AP1G1: variants seen among roughly 807,000 people sequenced by gnomAD.
The protein encoded by AP1G1 is AP-1 complex subunit gamma-1.
Under a neutral mutation model 108.3 loss-of-function variants are expected in AP1G1, and 7 were observed. The ratio of observed to expected loss-of-function variants is 0.06; its 90% CI spans 0.04 to 0.12. The LOEUF (loss-of-function observed/expected upper bound fraction) is 0.12. AP1G1 is among the 10% of genes least tolerant of loss of function. The pLI is 1.00. For missense variants in AP1G1, 756 were observed against 1,010.7 expected, an observed-to-expected ratio of 0.75 and a Z score of 3.42; for synonymous variants, 379 against 353.5, an observed-to-expected ratio of 1.07 and a Z score of -0.81.
chr16:71,743,459 C>A (rs1384124144), intron 19 of AP1G1: 1 of 151,916 alleles, frequency 6.6e-6, no homozygotes, highest in Non-Finnish European at 1.5e-5. Flanking sequence ...AAAAATTAGC[C>A]GGGCATGGTG....
At chr16:71,800,570 G>A (rs1047483025) in intron 1 of AP1G1, among the ~76,000 whole-genome samples, 1 of 151,310 alleles carries the variant, frequency 6.6e-6, no homozygotes, top group Non-Finnish European at 1.5e-5. Context: ...GGGAGGCCAA[G>A]GTGGGCAGAT....
intron 12 of AP1G1, 182 bp downstream of exon 12, chr16:71,755,837 G>C: frequency 1.6e-6 from 1 of 609,316 alleles, no homozygotes; most frequent in East Asian, 2.9e-5. Context: ...GTGGCGACAG[G>C]GTTTCACTAT....
At chr16:71,805,929 G>A (rs1032216824) in intron 1 of AP1G1, among the ~76,000 whole-genome samples, 1 of 151,926 alleles carries the variant, frequency 6.6e-6, no homozygotes, top group Non-Finnish European at 1.5e-5. Context: ...GCTGAGGCAG[G>A]AGGATCGCTT....
intron 1 of AP1G1, among the ~76,000 whole-genome samples, chr16:71,799,323 A>G (rs2032699513): frequency 6.6e-6 from 1 of 152,260 alleles, no homozygotes; most frequent in Admixed American, 6.5e-5. Flanking sequence ...GCATCAGCAT[A>G]TAAGGCGGCA....
chr16:71,755,828 T>G, intron 12 of AP1G1, 191 bp downstream of exon 12: 2 of 563,954 alleles, frequency 3.5e-6, no homozygotes, highest in South Asian at 3.0e-5. Context: ...GTATTTTTAG[T>G]GGCGACAGGG....
intron 1 of AP1G1, among the ~76,000 whole-genome samples, chr16:71,792,454 C>T (rs2032439739): frequency 6.6e-6 from 1 of 152,134 alleles, no homozygotes; most frequent in Non-Finnish European, 1.5e-5. Flanking sequence ...CCCTTTCCAA[C>T]CCTGAAAAAC....
rs774687282 is a variant in AP1G1 at position 71,779,995 on chromosome 16, G to GGT, written c.202-5404_202-5403insAC. ...AAAAATTTTGTTTCAGTTTTTTTTT[G>GGT]TTTTTTTTTTTTTTTTGAGACGAAG... On this transcript the variant is annotated intron_variant, in intron 2 of 22. Coordinates refer to ENST00000299980, the MANE Select transcript of AP1G1 (RefSeq NM_001128.6). Among the ~76,000 whole-genome samples, 189 of 129,616 alleles carry GGT rather than the reference G, an allele frequency of 1.5e-3. 1 individual carries two copies. The highest frequency in any genetic ancestry group is 5.1e-3 in the African/African-American group (179 of 35,240). 85.0% of individuals were successfully genotyped at this position (129,616 alleles called of 152,430 possible).
At chr16:71,744,577 T>TTA (rs905367235) in intron 19 of AP1G1, among the ~76,000 whole-genome samples, 4 of 147,080 alleles carry the variant, frequency 2.7e-5, no homozygotes, top group African/African-American at 7.6e-5. Flanking sequence ...GTGTGTTTTT[T>TTA]TTTTTTTTTT....
chr16:71,761,653 T>G, intron 9 of AP1G1, 86 bp from the exon 10 acceptor site: 5 of 997,310 alleles, frequency 5.0e-6, no homozygotes, highest in Non-Finnish European at 7.7e-6. Flanking sequence ...TCATGACCTC[T>G]GGTGCTTCAC....
At chr16:71,739,437 A>C (rs749243330) in intron 19 of AP1G1, 96 bp from the exon 20 acceptor site, 2 of 964,424 alleles carry the variant, frequency 2.1e-6, no homozygotes, top group East Asian at 5.4e-5. Context: ...CAGGTTAAGG[A>C]AAGATTCCTT....
intron 2 of AP1G1, chr16:71,777,637 G>T: frequency 2.2e-6 from 1 of 454,912 alleles, no homozygotes; most frequent in South Asian, 1.6e-5. Context: ...TCTACTGCTA[G>T]GGATCCGGTT....
intron 11 of AP1G1, among the ~76,000 whole-genome samples, chr16:71,756,948 A>T (rs569764684): frequency 6.6e-5 from 10 of 151,534 alleles, no homozygotes; most frequent in Admixed American, 3.3e-4. Flanking sequence ...AAAAAAAAAA[A>T]TTCAAAGGGA....
chr16:71,769,769 G>A, intron 5 of AP1G1, 70 bp from the exon 6 acceptor site: 1 of 1,270,334 alleles, frequency 7.9e-7, no homozygotes. Flanking sequence ...AGGACTTTGA[G>A]TTCCTGAAGG....
In AP1G1 at chr16:71,739,323, G is replaced by A. The variant is rs1347827508; in HGVS notation, c.2018C>T (p.Pro673Leu). 6.2e-7 allele frequency: 1 copy of A among 1,603,280 alleles called. No homozygotes were observed. The change falls in exon 20 of 23, where the codon CCT becomes CTT. Residue 673 changes from proline to leucine, a missense_variant. Transcript: ENST00000299980. The part of the protein sequence containing the change: ...INLTGAPAAA[P>L]APASVPQISQ... ...TATCTGTGGGACTGAGGCAGGGGCA[G>A]GAGCAGCAGCTGGAGCACCTAAAGG...
At chr16:71,771,392 T>G in intron 4 of AP1G1, 140 bp from the exon 5 acceptor site, 1 of 562,322 alleles carries the variant, frequency 1.8e-6, no homozygotes, top group Non-Finnish European at 3.1e-6. Flanking sequence ...GGTTAGATAT[T>G]AGATTTATGG....
chr16:71,753,180 A>C (rs2030598859), intron 13 of AP1G1, among the ~76,000 whole-genome samples: 1 of 152,144 alleles, frequency 6.6e-6, no homozygotes, highest in Non-Finnish European at 1.5e-5. Flanking sequence ...TTTACTCTTA[A>C]ATACCTAATC....
At chr16:71,756,180 A>G in intron 11 of AP1G1, 21 bp from the exon 12 acceptor site, 1 of 1,599,512 alleles carries the variant, frequency 6.3e-7, no homozygotes, top group East Asian at 2.2e-5. Context: ...GGAAAAATTA[A>G]AAACAGTTAA....
intron 10 of AP1G1, 80 bp downstream of exon 10, chr16:71,761,432 T>C (rs1046618534): frequency 3.0e-6 from 3 of 986,898 alleles, no homozygotes; most frequent in Non-Finnish European, 4.8e-6. Flanking sequence ...ACTTAATACA[T>C]GTATGATCTT....
chr16:71,799,927 A>AT lies in AP1G1; in HGVS notation c.-4+8835_-4+8836insA, dbSNP rs1415340293. On this transcript the variant is annotated intron_variant, in intron 1 of 22. Coordinates refer to ENST00000299980, the MANE Select transcript of AP1G1 (RefSeq NM_001128.6). Reference sequence around the variant, plus strand: ...AATAATAATAATAATAATAATAATAAAAAATTATATTGGCTGGGTGCGGTG... The same window carrying AT: ...AATAATAATAATAATAATAATAATAATAAAATTATATTGGCTGGGTGCGGTG... Among the ~76,000 whole-genome samples the AT allele has an allele frequency of 2.0e-3, 293 of 148,920 alleles. 2 individuals carry two copies. The highest frequency in any genetic ancestry group is 3.8e-3 in the East Asian group (19 of 5,040).
Sources: gnomAD v4.1 joint callset for allele counts (sites outside exome capture counted in the v4.1 genomes callset) on GRCh38, gnomAD v4.1.1 for gene constraint, MANE v1.5 for transcripts, NCBI Gene and HGNC (gene_info 2026-07-23, HGNC 2026-07-21) for gene names.